Variants in TTC7A observed in about 807,000 individuals in gnomAD.
TTC7A encodes tetratricopeptide repeat protein 7A.
TTC7A carries 110 observed loss-of-function variants against 103.7 expected under a neutral mutation model. The ratio of observed to expected loss-of-function variants is 1.06; its 90% CI spans 0.91 to 1.24. The LOEUF is 1.24. Ranked by LOEUF, TTC7A falls within the 50% of genes most tolerant of loss-of-function variation. TTC7A has a pLI of 0.00. For synonymous variants in TTC7A, 521 were observed against 467.9 expected, an observed-to-expected ratio of 1.11 and a Z score of -1.47; for missense variants, 1,340 against 1,116.3, an observed-to-expected ratio of 1.20 and a Z score of -2.86.
intron 18 of TTC7A, among the ~76,000 whole-genome samples, chr2:47,060,183 C>G (rs555975922): frequency 2.0e-5 from 3 of 151,714 alleles, no homozygotes; most frequent in Non-Finnish European, 4.4e-5. Flanking sequence ...GCCAGGAGTT[C>G]GAGACCAGCC....
intron 5 of TTC7A, among the ~76,000 whole-genome samples, chr2:46,979,782 T>G (rs1005113164): frequency 6.6e-6 from 1 of 152,204 alleles, no homozygotes; most frequent in Non-Finnish European, 1.5e-5. Flanking sequence ...GAGCTGAGGT[T>G]TCCTGCCTGT....
At position 47,051,901 on chromosome 2, in the gene TTC7A, G is replaced by GAA. The variant is rs1682892274; in HGVS notation, c.2152+22_2152+23insAA. The GAA allele has an allele frequency of 3.8e-6, 6 of 1,595,054 alleles. No homozygotes were observed. The African/African-American group carries it at 8.0e-5, about 21-fold the overall frequency. ...GGCTGGTGAGTGCCCTGGTCCCAGTGACACACACAGCCTGTCTGCAGGCCA... is the reference window on the plus strand; with the variant it reads ...GGCTGGTGAGTGCCCTGGTCCCAGTGAAACACACACAGCCTGTCTGCAGGCCA... On this transcript the variant is annotated intron_variant, in intron 18 of 19. Coordinates refer to ENST00000319190, the MANE Select transcript of TTC7A (RefSeq NM_020458.4).
At chr2:47,022,573 G>C (rs13430717) in intron 12 of TTC7A, among the ~76,000 whole-genome samples, 10,890 of 152,136 alleles carry the variant, frequency 0.072, 509 homozygotes, top group African/African-American at 0.13. Flanking sequence ...CACCTACTTT[G>C]ATCTTGTAGC....
chr2:46,925,581 C>G (rs775694351), intron 2 of TTC7A, among the ~76,000 whole-genome samples: 16 of 152,072 alleles, frequency 1.1e-4, no homozygotes, highest in Non-Finnish European at 2.2e-4. Context: ...TATGTTGACA[C>G]ATGCCTGGTC....
chr2:47,073,747 G>C lies in TTC7A; in HGVS notation c.2401G>C (p.Val801Leu). The C allele has an allele frequency of 6.2e-7, 1 of 1,613,870 alleles. No individual in the cohort carries two copies. The highest frequency in any genetic ancestry group is 1.3e-5 in the African/African-American group (1 of 75,070). ...RLGHKSLAQK[V>L]LRDAVERQST... ...GGGCCACAAGAGCTTGGCCCAGAAG[G>C]TGCTTCGTGATGCCGTGGAGAGGCA... Residue 801 changes from valine (V) to leucine (L), a missense_variant, in exon 20 of 20, where the codon GTG (valine) becomes CTG (leucine). Transcript: ENST00000319190.
At chr2:47,043,587 C>T (rs1162667378) in intron 15 of TTC7A, among the ~76,000 whole-genome samples, 1 of 152,252 alleles carries the variant, frequency 6.6e-6, no homozygotes, top group Middle Eastern at 3.4e-3. Context: ...TACAGAGGCA[C>T]AGAAGGTGAG....
intron 2 of TTC7A, among the ~76,000 whole-genome samples, chr2:46,923,948 C>T (rs927071340): frequency 1.3e-5 from 2 of 152,046 alleles, no homozygotes; most frequent in Non-Finnish European, 2.9e-5. Context: ...GTTGGCCAGG[C>T]TGGTCTCGAA....
chr2:47,038,016 C>A (rs1387931104), intron 15 of TTC7A, among the ~76,000 whole-genome samples: 1 of 152,082 alleles, frequency 6.6e-6, no homozygotes, highest in East Asian at 1.9e-4. Context: ...TTTGGGATGC[C>A]GAGGCGGGCG....
chr2:47,021,870 A>G lies in TTC7A; in HGVS notation c.1401A>G (p.Glu467=). 1.2e-6 allele frequency: 2 copies of G among 1,614,074 alleles called. No individual in the cohort carries two copies. Among genetic ancestry groups the G allele is most frequent in the South Asian group, 1.1e-5 (1 of 91,084 alleles). ...VCIGSLRWLE[E]AEHFAMMVIS... ...GTCTCTCCTCTTTGCAGCTAGAGGA[A>G]GCAGAGCACTTTGCCATGATGGTGA... is the stretch of plus-strand genomic sequence containing the variant. Residue 467 remains glutamate (E), a synonymous_variant, in exon 12 of 20, where the codon GAA becomes GAG. Coordinates refer to ENST00000319190, the MANE Select transcript of TTC7A (RefSeq NM_020458.4).
At chr2:47,010,611 T>G (rs1474668335) in intron 10 of TTC7A, among the ~76,000 whole-genome samples, 1 of 151,776 alleles carries the variant, frequency 6.6e-6, no homozygotes, top group African/African-American at 2.4e-5. Flanking sequence ...GCTCTGCCAG[T>G]TTAGAATATC....
rs1481164324 is a variant in TTC7A, at chr2:47,059,616, A to G, written c.2153-1153A>G. Among the ~76,000 whole-genome samples, 4 of 152,234 alleles carry G rather than the reference A, an allele frequency of 2.6e-5. No individual in the cohort carries two copies. In the East Asian group the frequency reaches 7.7e-4, roughly 29 times the overall value. On this transcript the variant is annotated intron_variant, in intron 18 of 19. Coordinates refer to ENST00000319190, the MANE Select transcript of TTC7A (RefSeq NM_020458.4). ...GCCTGGGAGACCAAGGGGCCCAAAGAGAGATCCCTGGTCTGCTTCCATCCC... is the reference window on the plus strand; with the variant it reads ...GCCTGGGAGACCAAGGGGCCCAAAGGGAGATCCCTGGTCTGCTTCCATCCC...
At chr2:46,979,727 C>T (rs914548883) in intron 5 of TTC7A, among the ~76,000 whole-genome samples, 5 of 152,282 alleles carry the variant, frequency 3.3e-5, no homozygotes, top group South Asian at 2.1e-4. Flanking sequence ...GCAACTGGTC[C>T]GGTCTGCTGG....
chr2:46,955,524 T>TG (rs1558505145), intron 2 of TTC7A, among the ~76,000 whole-genome samples: 1 of 152,074 alleles, frequency 6.6e-6, no homozygotes, highest in Non-Finnish European at 1.5e-5. Context: ...CAGGAGAAGG[T>TG]GGGCCTGAGC....
intron 15 of TTC7A, chr2:47,034,131 C>T (rs1339062448): frequency 6.6e-6 from 1 of 152,264 alleles, no homozygotes; most frequent in East Asian, 1.9e-4. Flanking sequence ...GAGGCAGAGA[C>T]AGACAGCCCC....
chr2:46,934,742 A>G (rs372455111), intron 2 of TTC7A, among the ~76,000 whole-genome samples: 63 of 141,876 alleles, frequency 4.4e-4, no homozygotes, highest in African/African-American at 1.6e-3. Flanking sequence ...CTTTTGCCCT[A>G]TCCCAACAAT....
chr2:47,038,644 CCCCACCCA>C (rs1681412030), intron 15 of TTC7A, among the ~76,000 whole-genome samples: 10 of 23,082 alleles, frequency 4.3e-4, no homozygotes, highest in East Asian at 2.1e-3. Context: ...CCCACCCTCC[CCCCACCCA>C]CCCCCCCGAC....
intron 2 of TTC7A, among the ~76,000 whole-genome samples, chr2:46,922,740 C>T (rs1200513358): frequency 6.6e-6 from 1 of 151,836 alleles, no homozygotes; most frequent in African/African-American, 2.4e-5. Flanking sequence ...TGGGGAGGGG[C>T]GGGGGGCTCT....
intron 1 of TTC7A, among the ~76,000 whole-genome samples, chr2:46,945,262 A>G (rs187872420): frequency 6.0e-5 from 9 of 149,494 alleles, no homozygotes; most frequent in African/African-American, 2.2e-4. Context: ...CACCCAGTTA[A>G]TTTTTTTTTT....
intron 4 of TTC7A, 100 bp downstream of exon 4, chr2:46,975,203 G>A: frequency 1.3e-6 from 2 of 1,489,408 alleles, no homozygotes; most frequent in African/African-American, 2.8e-5. Flanking sequence ...CTAATTAGAA[G>A]AAGTCACCTT....
Sources: gnomAD v4.1 joint callset for allele counts (sites outside exome capture counted in the v4.1 genomes callset) on GRCh38, gnomAD v4.1.1 for gene constraint, MANE v1.5 for transcripts, NCBI Gene and HGNC (gene_info 2026-07-23, HGNC 2026-07-21) for gene names.